Variants in NTN1 observed in about 807,000 individuals in gnomAD.
The protein encoded by NTN1 is netrin-1.
A neutral mutation model predicts 54.2 loss-of-function variants in NTN1; 11 were observed. That is an observed-to-expected ratio of 0.20 (90% CI 0.13 to 0.34). The LOEUF (loss-of-function observed/expected upper bound fraction) is 0.34. NTN1 is among the 10% of genes least tolerant of loss of function. The pLI is 1.00. For synonymous variants in NTN1, 371 were observed against 382.0 expected, an observed-to-expected ratio of 0.97 and a Z score of 0.33; for missense variants, 740 against 893.1, an observed-to-expected ratio of 0.83 and a Z score of 2.18.
chr17:9,145,048 C>T (rs930491867), intron 2 of NTN1, among the ~76,000 whole-genome samples: 23 of 152,322 alleles, frequency 1.5e-4, no homozygotes, highest in Admixed American at 1.3e-4. Context: ...CGCCACCCCC[C>T]GAGGCTGGCC....
chr17:9,016,005 C>T, the NTN1 span, among the ~76,000 whole-genome samples: 2 of 151,716 alleles, frequency 1.3e-5, no homozygotes, highest in South Asian at 2.1e-4. Flanking sequence ...ACCCAGGAGG[C>T]GGAGGTTGCA....
At chr17:9,232,638 G>A (rs1457303502) in intron 6 of NTN1, among the ~76,000 whole-genome samples, 1 of 152,176 alleles carries the variant, frequency 6.6e-6, no homozygotes, top group Non-Finnish European at 1.5e-5. Context: ...GGAGATCCCT[G>A]AGGACTCCTG....
chr17:9,160,228 C>T (rs140278272), intron 2 of NTN1, among the ~76,000 whole-genome samples: 1,929 of 152,230 alleles, frequency 0.013, 17 homozygotes, highest in Middle Eastern at 0.02. Flanking sequence ...CTCAGCCTTC[C>T]GAGTTGTTGG....
intron 2 of NTN1, among the ~76,000 whole-genome samples, chr17:9,024,233 G>A (rs2091862901): frequency 6.6e-6 from 1 of 152,170 alleles, no homozygotes; most frequent in Non-Finnish European, 1.5e-5. Context: ...GCTAAAAAAG[G>A]ATACGTTCTG....
At chr17:9,236,747 C>G (rs1302329474) in intron 6 of NTN1, among the ~76,000 whole-genome samples, 1 of 152,192 alleles carries the variant, frequency 6.6e-6, no homozygotes, top group African/African-American at 2.4e-5. Context: ...GAGGAAGGTA[C>G]CTTTCAGGGC....
At chr17:9,164,487 T>C (rs1201936877) in intron 3 of NTN1, among the ~76,000 whole-genome samples, 1 of 150,956 alleles carries the variant, frequency 6.6e-6, no homozygotes, top group East Asian at 1.9e-4. Context: ...AGTAGGGGGC[T>C]TCTTATTCCA....
intron 2 of NTN1, among the ~76,000 whole-genome samples, chr17:9,118,523 A>T (rs1307923471): frequency 6.6e-6 from 1 of 152,166 alleles, no homozygotes; most frequent in Non-Finnish European, 1.5e-5. Context: ...AAAAACAAAA[A>T]CAGAAACAAA....
In NTN1 at chr17:9,211,836, G is replaced by A. The variant is rs137945952; in HGVS notation, c.1412-9332G>A. Reference sequence around the variant, plus strand: ...CCTTTTTATTTCCTCTTTTGTGAATGGCCTGTTCCTTCCCTTTGAATTTTT... The same window carrying A: ...CCTTTTTATTTCCTCTTTTGTGAATAGCCTGTTCCTTCCCTTTGAATTTTT... On this transcript the variant is annotated intron_variant, in intron 5 of 6. Coordinates refer to ENST00000173229, the MANE Select transcript of NTN1 (RefSeq NM_004822.3). This position sits in a 1 kb window ranked among gnomAD's most constrained non-coding sequence, Gnocchi z 4.4. Among the ~76,000 whole-genome samples, 1 of 152,278 alleles carries A rather than the reference G, an allele frequency of 6.6e-6. No homozygotes were observed. The highest frequency in any genetic ancestry group is 2.4e-5 in the African/African-American group (1 of 41,538).
chr17:9,148,411 G>T (rs1173961099), intron 2 of NTN1, among the ~76,000 whole-genome samples: 1 of 152,104 alleles, frequency 6.6e-6, no homozygotes, highest in African/African-American at 2.4e-5. Flanking sequence ...GGGACTTGTG[G>T]AGACTGAGGA....
chr17:9,126,857 G>T (rs2092248995), intron 2 of NTN1, among the ~76,000 whole-genome samples: 1 of 152,090 alleles, frequency 6.6e-6, no homozygotes, highest in Non-Finnish European at 1.5e-5. Flanking sequence ...GGCTGACTTG[G>T]CAATGGGGAA....
rs375256628 is a variant in NTN1, at chr17:9,044,318, T to C, written c.1018+20927T>C. ...GGCGCGATCTCGGCTCACTGCAACC[T>C]CCGCCTCCCAAGTTCAAGCTATTCT... On this transcript the variant is annotated intron_variant, in intron 2 of 6. Transcript: ENST00000173229. Among the ~76,000 whole-genome samples the C allele has an allele frequency of 2.2e-3, 340 of 151,996 alleles. 3 individuals are homozygous for C. The highest frequency in any genetic ancestry group is 7.7e-3 in the African/African-American group (319 of 41,428).
chr17:9,112,823 C>CAA (rs386385610), intron 2 of NTN1, among the ~76,000 whole-genome samples: 6,627 of 95,856 alleles, frequency 0.069, 258 homozygotes, highest in Non-Finnish European at 0.1. Flanking sequence ...GACTCCGTCT[C>CAA]AAAAAAAAAA....
Position 9,055,724 on chromosome 17 carries a change from T to A in NTN1, c.1018+32333T>A, listed in dbSNP as rs1001276275. Reference sequence around the variant, plus strand: ...GATGGGAAGGCAGACATCTTTTTTTTAATTTTTATTTTTTTGAGACAGGGT... The same window carrying A: ...GATGGGAAGGCAGACATCTTTTTTTAAATTTTTATTTTTTTGAGACAGGGT... On this transcript the variant is annotated intron_variant, in intron 2 of 6. Transcript: ENST00000173229. Among the ~76,000 whole-genome samples the A allele has an allele frequency of 3.3e-5, 5 of 152,052 alleles. 1 individual carries two copies. In the South Asian group the frequency reaches 1.0e-3, roughly 32 times the overall value.
intron 2 of NTN1, among the ~76,000 whole-genome samples, chr17:9,059,687 T>C (rs527421979): frequency 2.2e-4 from 34 of 152,294 alleles, no homozygotes; most frequent in African/African-American, 7.0e-4. Context: ...TAGTAAGTTA[T>C]GGAATCTCCT....
chr17:9,193,091 AAAAAG>A (rs1186062691), intron 5 of NTN1, among the ~76,000 whole-genome samples: 44 of 141,650 alleles, frequency 3.1e-4, no homozygotes, highest in Non-Finnish European at 4.2e-4. Flanking sequence ...AAAAAAAAAA[AAAAAG>A]AAAAAGAAAA....
chr17:9,204,025 G>T (rs1395237432), intron 5 of NTN1, among the ~76,000 whole-genome samples: 1 of 152,032 alleles, frequency 6.6e-6, no homozygotes, highest in Non-Finnish European at 1.5e-5. Context: ...AGAAAGTGGA[G>T]ATAAGGCCAT....
At chr17:9,011,016 A>G in the NTN1 span, among the ~76,000 whole-genome samples, 1 of 152,026 alleles carries the variant, frequency 6.6e-6, no homozygotes, top group African/African-American at 2.4e-5. Flanking sequence ...GTGACAGATC[A>G]TCAAGACTTA....
chr17:9,004,145 G>A, the NTN1 span, among the ~76,000 whole-genome samples: 1 of 152,226 alleles, frequency 6.6e-6, no homozygotes, highest in African/African-American at 2.4e-5. Context: ...AGGCGCGGAC[G>A]GCGGAGCTGG....
rs58572660 is a variant in NTN1, at chr17:9,024,301, T to A, written c.1018+910T>A. ...GCTCTCAGAAATCAGTTTCTCCCCA[T>A]AAAAAGAAAAAAAGGGTGAGGGGAG... On this transcript the variant is annotated intron_variant, in intron 2 of 6. Coordinates refer to ENST00000173229, the MANE Select transcript of NTN1 (RefSeq NM_004822.3). Among the ~76,000 whole-genome samples, 802 of 151,748 alleles carry A rather than the reference T, an allele frequency of 5.3e-3. 7 individuals are homozygous for A. The highest frequency in any genetic ancestry group is 0.018 in the African/African-American group (746 of 41,420).
Sources: allele counts gnomAD v4.1 joint callset (sites outside exome capture counted in the v4.1 genomes callset), GRCh38; gene constraint gnomAD v4.1.1; non-coding constraint Gnocchi (gnomAD v3.1); transcripts MANE v1.5; gene names NCBI Gene and HGNC (gene_info 2026-07-23, HGNC 2026-07-21).